MATN1: variants seen among roughly 807,000 people sequenced by gnomAD.
The protein encoded by MATN1 is matrilin 1.
A neutral mutation model predicts 41.3 loss-of-function variants in MATN1; 34 were observed. That is an observed-to-expected ratio of 0.82 (90% CI 0.63 to 1.10). MATN1 has a LOEUF of 1.10. Among genes scored for constraint, MATN1 ranks in the 50% least tolerant of loss-of-function variants. The pLI, the probability that MATN1 is intolerant of heterozygous loss-of-function variation, is 0.00. For missense variants in MATN1, 602 were observed against 662.4 expected, an observed-to-expected ratio of 0.91 and a Z score of 1.00; for synonymous variants, 264 against 278.7, an observed-to-expected ratio of 0.95 and a Z score of 0.53.
intron 5 of MATN1, 61 bp downstream of exon 5, chr1:30,715,848 C>T (rs912511302): frequency 2.0e-6 from 3 of 1,530,258 alleles, no homozygotes; most frequent in Non-Finnish European, 2.7e-6. Flanking sequence ...TACAGTTGGG[C>T]TATACCCGTG....
At chr1:30,719,054 G>A in intron 2 of MATN1, 97 bp from the exon 3 acceptor site, 1 of 991,412 alleles carries the variant, frequency 1.0e-6, no homozygotes, top group South Asian at 2.1e-5. Context: ...AGGACTGCCG[G>A]GTCGCACAGC....
intron 3 of MATN1, among the ~76,000 whole-genome samples, chr1:30,717,245 G>A (rs1268754161): frequency 6.6e-6 from 1 of 152,204 alleles, no homozygotes; most frequent in Non-Finnish European, 1.5e-5. Context: ...AATGAACACA[G>A]CACCTATCTG....
rs948491320 is a variant in MATN1, at chr1:30,713,400, C to T, written c.*182G>A. The T allele has an allele frequency of 6.5e-6, 4 of 618,384 alleles. No individual in the cohort carries two copies. Among genetic ancestry groups the T allele is most frequent in the African/African-American group, 2.1e-5 (1 of 48,230 alleles). The allele number at this position is 618,384 out of a possible 1,614,324, so 38.3% of individuals were successfully genotyped here. ...GTGCACACACACACACACACACACA[C>T]ATGCACACATACACACACGCACACA... On this transcript the variant is annotated 3_prime_UTR_variant, in exon 8 of 8. Transcript: ENST00000373765.
rs1277675880 is a variant in MATN1 at position 30,712,818 on chromosome 1, C to G, written c.*764G>C. On this transcript the variant is annotated 3_prime_UTR_variant, in exon 8 of 8. Coordinates refer to ENST00000373765, the MANE Select transcript of MATN1 (RefSeq NM_002379.3). ...TGTCATTGCCCTTTTTCTCTGAAGCCTTTTTCTTTTGATGTTCTTCAGTCC... is the reference window on the plus strand; with the variant it reads ...TGTCATTGCCCTTTTTCTCTGAAGCGTTTTTCTTTTGATGTTCTTCAGTCC... 2 of 152,148 alleles carry G rather than the reference C, an allele frequency of 1.3e-5. No homozygotes were observed. Among genetic ancestry groups the G allele is most frequent in the African/African-American group, 4.8e-5 (2 of 41,412 alleles). 9.4% of individuals were successfully genotyped at this position (152,148 alleles called of 1,614,324 possible). A position where few individuals can be genotyped will look rare whatever the true frequency, so the allele number is the denominator to read the frequency against.
intron 7 of MATN1, 38 bp downstream of exon 7, chr1:30,714,209 G>C: frequency 6.7e-7 from 1 of 1,501,112 alleles, no homozygotes; most frequent in Non-Finnish European, 9.1e-7. Flanking sequence ...ACTGGCCTGC[G>C]CCCCTCCCCA....
intron 7 of MATN1, 84 bp from the exon 8 acceptor site, chr1:30,713,715 C>T (rs1480697645): frequency 4.9e-6 from 5 of 1,023,848 alleles, no homozygotes; most frequent in Non-Finnish European, 7.5e-6. Flanking sequence ...CCCTGCAACA[C>T]CCCACTACAG....
At chr1:30,720,620 C>T (rs1027520014) in intron 2 of MATN1, 5 of 152,922 alleles carry the variant, frequency 3.3e-5, no homozygotes, top group Non-Finnish European at 5.9e-5. Flanking sequence ...AAGAACCTCC[C>T]CTGAGCTGGG....
chr1:30,717,664 T>G (rs186073351), intron 3 of MATN1, among the ~76,000 whole-genome samples: 3,594 of 147,644 alleles, frequency 0.024, 99 homozygotes, highest in Non-Finnish European at 0.037. Flanking sequence ...GTTTTGTTTT[T>G]TTTTTGAGAC....
At chr1:30,714,537 C>T (rs1639592759) in intron 6 of MATN1, among the ~76,000 whole-genome samples, 1 of 152,146 alleles carries the variant, frequency 6.6e-6, no homozygotes, top group African/African-American at 2.4e-5. Context: ...CTTCCTGGTC[C>T]CTTGGAGCCC....
At chr1:30,714,478 T>C in intron 6 of MATN1, 151 bp from the exon 7 acceptor site, 1 of 661,978 alleles carries the variant, frequency 1.5e-6, no homozygotes, top group Non-Finnish European at 2.8e-6. Flanking sequence ...ATATAGATAG[T>C]CCTTGAGACA....
At position 30,712,596 on chromosome 1, in the gene MATN1, A is replaced by G. The variant is rs182399936; in HGVS notation, c.*986T>C. Reference sequence around the variant, plus strand: ...CAAACCCCTGGTACGACCTAAACCCACTCTCTTTTCCTCTGGCTGGTCCCT... The same window carrying G: ...CAAACCCCTGGTACGACCTAAACCCGCTCTCTTTTCCTCTGGCTGGTCCCT... On this transcript the variant is annotated 3_prime_UTR_variant, in exon 8 of 8. Coordinates refer to ENST00000373765, the MANE Select transcript of MATN1 (RefSeq NM_002379.3). 516 of 151,596 alleles carry G rather than the reference A, an allele frequency of 3.4e-3. 4 individuals carry two copies. The highest frequency in any genetic ancestry group is 0.012 in the African/African-American group (502 of 41,210). The allele number at this position is 151,596 out of a possible 1,614,324, so 9.4% of individuals were successfully genotyped here.
rs892719922 is a variant in MATN1, at chr1:30,713,447, G to A, written c.*135C>T. 7 of 770,426 alleles carry A rather than the reference G, an allele frequency of 9.1e-6. No individual in the cohort carries two copies. Among genetic ancestry groups the A allele is most frequent in the South Asian group, 3.2e-5 (2 of 61,636 alleles). 47.7% of individuals were successfully genotyped at this position (770,426 alleles called of 1,614,324 possible). A position where few individuals can be genotyped will look rare whatever the true frequency, so the allele number is the denominator to read the frequency against. On this transcript the variant is annotated 3_prime_UTR_variant, in exon 8 of 8. Transcript: ENST00000373765. ...CACATACACACACGAGCTCCCAAAC[G>A]CCATTACACGCTCTCAATAGGCACA...
rs1639543755 is a variant in MATN1, at chr1:30,711,611, G to A, written c.*1971C>T. On this transcript the variant is annotated 3_prime_UTR_variant, in exon 8 of 8. Transcript: ENST00000373765. ...CACCCACCGGGCAGGGAAGAACGAG[G>A]TCCTATTCCCAGGCAGGGCTTCCAC... is the stretch of plus-strand genomic sequence containing the variant. 1 of 152,224 alleles carries A rather than the reference G, an allele frequency of 6.6e-6. No homozygotes were observed. Among genetic ancestry groups the A allele is most frequent in the Non-Finnish European group, 1.5e-5 (1 of 68,066 alleles). The allele number at this position is 152,224 out of a possible 1,614,324, so 9.4% of individuals were successfully genotyped here.
At chr1:30,723,103 G>A (rs1639716942) in intron 1 of MATN1, among the ~76,000 whole-genome samples, 1 of 152,168 alleles carries the variant, frequency 6.6e-6, no homozygotes, top group Admixed American at 6.5e-5. Flanking sequence ...GGGGGCATGA[G>A]CTCTTGGCAT....
rs756510627 is a variant in MATN1, at chr1:30,716,779, A to T, written c.790+11T>A. Reference sequence around the variant, plus strand: ...CCCTCTCCAGGGCGAGCCTGTGTCCACCCCACTGACCATTGCAGGTCTTGC... The same window carrying T: ...CCCTCTCCAGGGCGAGCCTGTGTCCTCCCCACTGACCATTGCAGGTCTTGC... On this transcript the variant is annotated intron_variant, in intron 4 of 7. Transcript: ENST00000373765. The T allele has an allele frequency of 1.3e-5, 21 of 1,613,012 alleles. No homozygotes were observed. The highest frequency in any genetic ancestry group is 1.6e-4 in the Middle Eastern group (1 of 6,080).
At chr1:30,723,373 C>T in intron 1 of MATN1, 85 bp downstream of exon 1, 5 of 1,059,802 alleles carry the variant, frequency 4.7e-6, no homozygotes, top group African/African-American at 3.4e-5. Flanking sequence ...CCCGTGTGCT[C>T]CCTGCCATAT....
At position 30,719,028 on chromosome 1, in the gene MATN1, G is replaced by A. The variant is rs973558987; in HGVS notation, c.442-71C>T. 1.6e-5 allele frequency: 19 copies of A among 1,176,668 alleles called. No individual in the cohort carries two copies. The African/African-American group carries it at 1.8e-4, about 11-fold the overall frequency. 72.9% of individuals were successfully genotyped at this position (1,176,668 alleles called of 1,614,324 possible). On this transcript the variant is annotated intron_variant, in intron 2 of 7. Transcript: ENST00000373765. The stretch of plus-strand genomic sequence containing the variant: ...GGGACTGTCCAGGAGAGGAGGCTGA[G>A]GCCCGGAGAGGCGGGAGGACTGCCG...
intron 2 of MATN1, chr1:30,721,034 A>G (rs934978488): frequency 6.6e-5 from 15 of 226,140 alleles, no homozygotes; most frequent in African/African-American, 3.2e-4. Context: ...CACAGCTAGT[A>G]TGGTGGAGCA....
chr1:30,718,375 C>A (rs960939678), intron 3 of MATN1: 12 of 240,100 alleles, frequency 5.0e-5, no homozygotes, highest in Admixed American at 1.2e-4. Flanking sequence ...CCCGGTCCCG[C>A]CCTGGCACTG....
Sources: allele counts gnomAD v4.1 joint callset (sites outside exome capture counted in the v4.1 genomes callset), GRCh38; gene constraint gnomAD v4.1.1; transcripts MANE v1.5; gene names NCBI Gene and HGNC (gene_info 2026-07-23, HGNC 2026-07-21).